Variants in PAFAH1B1 observed in about 807,000 individuals in gnomAD.
PAFAH1B1 encodes the protein platelet-activating factor acetylhydrolase IB subunit beta.
Under a neutral mutation model 57.5 loss-of-function variants are expected in PAFAH1B1, and 2 were observed. That is an observed-to-expected ratio of 0.03 (90% confidence interval 0.01 to 0.11). PAFAH1B1 has a LOEUF of 0.11. Ranked by LOEUF, PAFAH1B1 falls within the 10% of genes least tolerant of loss-of-function variation. The pLI is 1.00. For missense variants in PAFAH1B1, 257 were observed against 512.0 expected, an observed-to-expected ratio of 0.50 and a Z score of 4.81; for synonymous variants, 152 against 169.6, an observed-to-expected ratio of 0.90 and a Z score of 0.81.
intron 1 of PAFAH1B1, among the ~76,000 whole-genome samples, chr17:2,601,694 G>A (rs1005908127): frequency 4.6e-5 from 7 of 152,028 alleles, no homozygotes; most frequent in East Asian, 3.9e-4. Flanking sequence ...CTCCTGCCTC[G>A]GCCCCGCAAA....
chr17:2,644,524 CAA>C (rs1179840911), intron 2 of PAFAH1B1, among the ~76,000 whole-genome samples: 1 of 151,766 alleles, frequency 6.6e-6, no homozygotes, highest in Admixed American at 6.6e-5. Flanking sequence ...GCCTGGGCAA[CAA>C]GAGTGAGACT....
chr17:2,620,513 T>C lies in PAFAH1B1; in HGVS notation c.-190-17586T>C, dbSNP rs536651403. Among the ~76,000 whole-genome samples, 28 of 152,298 alleles carry C rather than the reference T, an allele frequency of 1.8e-4. 1 individual carries two copies. In the East Asian group the frequency reaches 5.4e-3, roughly 29 times the overall value. Reference sequence around the variant, plus strand: ...TCTCTTTTCTGTTGGATGCTGGTTGTCTGTGCTGTTTAAGTTTTTGTCTGG... The same window carrying C: ...TCTCTTTTCTGTTGGATGCTGGTTGCCTGTGCTGTTTAAGTTTTTGTCTGG... On this transcript the variant is annotated intron_variant, in intron 1 of 10. Coordinates refer to ENST00000397195, the MANE Select transcript of PAFAH1B1 (RefSeq NM_000430.4).
At chr17:2,638,395 T>TGGGAGG in intron 2 of PAFAH1B1, 75 bp downstream of exon 2, 1 of 1,167,964 alleles carries the variant, frequency 8.6e-7, no homozygotes, top group Non-Finnish European at 1.3e-6. Flanking sequence ...AATACAGCTT[T>TGGGAGG]GGGAGGTCTC....
At chr17:2,661,031 T>C (rs1368769381) in intron 2 of PAFAH1B1, among the ~76,000 whole-genome samples, 4 of 152,216 alleles carry the variant, frequency 2.6e-5, no homozygotes, top group African/African-American at 9.6e-5. Flanking sequence ...CATATGTTTT[T>C]TGGCCACATA....
chr17:2,672,895 C>G lies in PAFAH1B1; in HGVS notation c.671+138C>G, dbSNP rs976104096. On this transcript the variant is annotated intron_variant, in intron 7 of 10. Transcript: ENST00000397195. ...CCAGCCTGGCCAACATGATGAAACCCCATCTCTACTAAAAATACAAAAATT... is the reference window on the plus strand; with the variant it reads ...CCAGCCTGGCCAACATGATGAAACCGCATCTCTACTAAAAATACAAAAATT... 8 of 679,000 alleles carry G rather than the reference C, an allele frequency of 1.2e-5. No homozygotes were observed. The African/African-American group carries it at 1.3e-4, about 11-fold the overall frequency. The allele number at this position is 679,000 out of a possible 1,614,324, so 42.1% of individuals were successfully genotyped here. A position where few individuals can be genotyped will look rare whatever the true frequency, so the allele number is the denominator to read the frequency against.
intron 2 of PAFAH1B1, chr17:2,662,042 CAAAAAAAAAAAAA>C (rs11394286): frequency 1.5e-5 from 1 of 67,858 alleles, no homozygotes. Context: ...GACTCCATCT[CAAAAAAAAAAAAA>C]AAAAAAAAAA....
rs146971906 is a variant in PAFAH1B1 at position 2,658,110 on chromosome 17, G to T, written c.33-7262G>T. Among the ~76,000 whole-genome samples, 629 of 152,246 alleles carry T rather than the reference G, an allele frequency of 4.1e-3. 2 individuals are homozygous for T. Among genetic ancestry groups the T allele is most frequent in the Non-Finnish European group, 6.0e-3 (411 of 68,024 alleles). The stretch of plus-strand genomic sequence containing the variant: ...ACTAAGGCAAAATCTCCTCCTCTCT[G>T]GAAACGTAGCTGACCTCTGGCCTGT... On this transcript the variant is annotated intron_variant, in intron 2 of 10. Coordinates refer to ENST00000397195, the MANE Select transcript of PAFAH1B1 (RefSeq NM_000430.4).
At chr17:2,672,575 G>A in intron 6 of PAFAH1B1, 80 bp from the exon 7 acceptor site, 4 of 983,072 alleles carry the variant, frequency 4.1e-6, no homozygotes, top group Non-Finnish European at 6.5e-6. Flanking sequence ...AAACCCCATG[G>A]TAAAATCCCA....
intron 7 of PAFAH1B1, chr17:2,673,834 C>A (rs1179884434): frequency 3.9e-6 from 2 of 508,890 alleles, no homozygotes; most frequent in African/African-American, 1.9e-5. Flanking sequence ...GATTTTATTT[C>A]TTATACATAT....
At chr17:2,649,657 A>G (rs770356121) in intron 2 of PAFAH1B1, among the ~76,000 whole-genome samples, 4 of 152,216 alleles carry the variant, frequency 2.6e-5, no homozygotes, top group Admixed American at 6.5e-5. Flanking sequence ...AAAAGTCAGT[A>G]TTGGACAGAT....
At chr17:2,652,224 C>G (rs551180271) in intron 2 of PAFAH1B1, among the ~76,000 whole-genome samples, 1 of 151,792 alleles carries the variant, frequency 6.6e-6, no homozygotes, top group African/African-American at 2.4e-5. Flanking sequence ...TCCTGGCTAA[C>G]ACGGTGAAAC....
intron 1 of PAFAH1B1, among the ~76,000 whole-genome samples, chr17:2,633,808 C>A (rs147237340): frequency 6.6e-6 from 1 of 152,156 alleles, no homozygotes; most frequent in East Asian, 1.9e-4. Context: ...TTGAGACATA[C>A]TCTCTCCTCT....
At position 2,648,153 on chromosome 17, in the gene PAFAH1B1, A is replaced by T. The variant is rs189980674; in HGVS notation, c.32+9833A>T. ...GTGGCAGAAAGGAGAAGAATGAGAG[A>T]CGAGTGAAGGGGGAAGCCCCTTATT... is the stretch of plus-strand genomic sequence containing the variant. On this transcript the variant is annotated intron_variant, in intron 2 of 10. Transcript: ENST00000397195. Among the ~76,000 whole-genome samples, 13 of 152,254 alleles carry T rather than the reference A, an allele frequency of 8.5e-5. No homozygotes were observed. The East Asian group carries it at 2.5e-3, about 29-fold the overall frequency.
chr17:2,613,808 G>A (rs778601195), intron 1 of PAFAH1B1: 20 of 288,764 alleles, frequency 6.9e-5, no homozygotes, highest in African/African-American at 9.1e-5. Flanking sequence ...GATGCCGGGC[G>A]AGCATCTCCA....
intron 1 of PAFAH1B1, among the ~76,000 whole-genome samples, chr17:2,629,099 G>C (rs191136713): frequency 1.0e-3 from 156 of 152,044 alleles, no homozygotes; most frequent in African/African-American, 3.5e-3. Context: ...ATTTCATTTA[G>C]TTCTGCTCTG....
Position 2,685,565 on chromosome 17 carries a change from TAAA to T in PAFAH1B1, c.*3767_*3769del, listed in dbSNP as rs1292963909. 4 of 151,472 alleles carry T rather than the reference TAAA, an allele frequency of 2.6e-5. No homozygotes were observed. The highest frequency in any genetic ancestry group is 4.4e-5 in the Non-Finnish European group (3 of 67,772). The allele number at this position is 151,472 out of a possible 1,614,324, so 9.4% of individuals were successfully genotyped here. A position where few individuals can be genotyped will look rare whatever the true frequency, so the allele number is the denominator to read the frequency against. On this transcript the variant is annotated 3_prime_UTR_variant, in exon 11 of 11. Coordinates refer to ENST00000397195, the MANE Select transcript of PAFAH1B1 (RefSeq NM_000430.4). ...AAATTTATTCATGTTTTCTGCATAT[TAAA>T]AAATCTTATTGTACCAACTGGTAAA...
intron 10 of PAFAH1B1, 101 bp from the exon 11 acceptor site, chr17:2,681,628 A>ATT: frequency 4.9e-6 from 4 of 819,354 alleles, no homozygotes; most frequent in Non-Finnish European, 7.8e-6. Flanking sequence ...TGCCCGGCTA[A>ATT]TTTTTTTTTT....
chr17:2,597,406 T>G (rs909032028), intron 1 of PAFAH1B1, among the ~76,000 whole-genome samples: 4 of 128,026 alleles, frequency 3.1e-5, no homozygotes, highest in Non-Finnish European at 6.6e-5. Context: ...TCCGTGTCTT[T>G]TTTTTTTTTT....
At chr17:2,633,098 A>C (rs1048115398) in intron 1 of PAFAH1B1, among the ~76,000 whole-genome samples, 1 of 151,498 alleles carries the variant, frequency 6.6e-6, no homozygotes, top group African/African-American at 2.4e-5. Context: ...GCTTTGGTTA[A>C]TTCTTTCTTC....
Sources: allele counts gnomAD v4.1 joint callset (sites outside exome capture counted in the v4.1 genomes callset), GRCh38; gene constraint gnomAD v4.1.1; transcripts MANE v1.5; gene names NCBI Gene and HGNC (gene_info 2026-07-23, HGNC 2026-07-21).